ANKFN1: variants seen among roughly 807,000 people sequenced by gnomAD.
The protein encoded by ANKFN1 is ankyrin repeat and fibronectin type III domain containing 1.
In ANKFN1, 74 loss-of-function variants were observed where a neutral mutation model predicts 108.7. That is an observed-to-expected ratio of 0.68 (90% CI 0.56 to 0.83). ANKFN1 has a LOEUF of 0.83. Among genes scored for constraint, ANKFN1 ranks in the 40% least tolerant of loss-of-function variants. The pLI is 0.00. For missense variants in ANKFN1, 1,505 were observed against 1,382.3 expected (o/e 1.09, Z -1.41); for synonymous variants, 547 against 516.2 (o/e 1.06, Z -0.81).
rs111719863 is a variant in ANKFN1, at chr17:56,235,628, G to A, written c.53+7671G>A. Among the ~76,000 whole-genome samples the A allele has an allele frequency of 9.3e-3, 1,411 of 152,140 alleles. 25 individuals carry two copies. Among genetic ancestry groups the A allele is most frequent in the African/African-American group, 0.031 (1,303 of 41,498 alleles). Reference sequence around the variant, plus strand: ...AAAAGGGAGTCCTTTCCTCACTGACGGTTTTTGTCAGCTTTGTCAAAGATC... The same window carrying A: ...AAAAGGGAGTCCTTTCCTCACTGACAGTTTTTGTCAGCTTTGTCAAAGATC... On this transcript the variant is annotated intron_variant, in intron 3 of 20. Coordinates refer to ENST00000682825, the MANE Select transcript of ANKFN1 (RefSeq NM_001370326.1).
rs1012546243 is a variant in ANKFN1, at chr17:56,127,566, G to A, written c.288+81241G>A. On this transcript the variant is annotated intron_variant, in intron 4 of 12. Transcript: ENST00000635860. ...TGACCTCAGGTGATCCACTCACCTC[G>A]GCCTCCCAAAATGCTGGGATTGCAG... Among the ~76,000 whole-genome samples the A allele has an allele frequency of 4.6e-5, 7 of 151,984 alleles. No homozygotes were observed. The South Asian group carries it at 8.3e-4, about 18-fold the overall frequency.
At chr17:56,088,074 G>A (rs1277988927) in intron 4 of ANKFN1, among the ~76,000 whole-genome samples, 2 of 151,162 alleles carry the variant, frequency 1.3e-5, no homozygotes, top group African/African-American at 2.4e-5. Context: ...CCTAAGTCAC[G>A]TTGCTCTTAC....
intron 3 of ANKFN1, among the ~76,000 whole-genome samples, chr17:56,276,622 A>G (rs1598341640): frequency 6.6e-6 from 1 of 152,012 alleles, no homozygotes; most frequent in African/African-American, 2.4e-5. Context: ...GCATTTTTTC[A>G]TGTGTCTGTT....
At chr17:56,410,619 A>G (rs1470048067) in intron 8 of ANKFN1, among the ~76,000 whole-genome samples, 1 of 152,198 alleles carries the variant, frequency 6.6e-6, no homozygotes, top group Admixed American at 6.5e-5. Flanking sequence ...AGTGCAATAG[A>G]TCACTAAAAT....
At chr17:56,149,625 AAG>A (rs1231233431), upstream of ANKFN1, among the ~76,000 whole-genome samples, 3 of 152,218 alleles carry the variant, frequency 2.0e-5, no homozygotes, top group East Asian at 1.9e-4. Context: ...CAGGTAAAGA[AAG>A]AGCTTCCTTG....
At chr17:56,312,603 T>A (rs2045063272) in intron 3 of ANKFN1, among the ~76,000 whole-genome samples, 1 of 152,170 alleles carries the variant, frequency 6.6e-6, no homozygotes, top group African/African-American at 2.4e-5. Flanking sequence ...CTCCAGTTTT[T>A]CAGTCTTTGC....
chr17:56,511,064 G>A lies in ANKFN1; in HGVS notation c.3236G>A (p.Ser1079Asn). The change falls in exon 21 of 21, where the codon AGT becomes AAT. Residue 1079 changes from serine to asparagine, a missense_variant. Physicochemically the swap from Ser to Asn is conservative, Grantham distance 46. Coordinates refer to ENST00000682825, the MANE Select transcript of ANKFN1 (RefSeq NM_001370326.1). Reference sequence around the variant, plus strand: ...AGCCTTCCTGAGGAGCGGAACAGCAGTCTCCAGGACGCGAGGCCTTCCGTC... The same window carrying A: ...AGCCTTCCTGAGGAGCGGAACAGCAATCTCCAGGACGCGAGGCCTTCCGTC... Reference protein sequence around the residue: ...AASLPEERNSSLQDARPSVRR... With the variant: ...AASLPEERNSNLQDARPSVRR... 1 of 1,536,028 alleles carries A rather than the reference G, an allele frequency of 6.5e-7. No individual in the cohort carries two copies. The highest frequency in any genetic ancestry group is 1.4e-5 in the African/African-American group (1 of 73,176).
rs1433486501 is a variant in ANKFN1 at position 56,510,619 on chromosome 17, G to A, written c.2791G>A (p.Gly931Ser). The A allele has an allele frequency of 3.3e-6, 5 of 1,536,152 alleles. No homozygotes were observed. The highest frequency in any genetic ancestry group is 4.9e-5 in the East Asian group (2 of 40,912). ...CGACATTGCGCAGCAGACCCTTAGC[G>A]GCCTAAGCGGCAGCGCCCCCGACGT... ...SHDIAQQTLS[G>S]LSGSAPDVLQ... is the part of the protein sequence containing the mutation. The change falls in exon 21 of 21, where the codon GGC becomes AGC. Residue 931 changes from glycine (G) to serine (S), a missense_variant. Transcript: ENST00000682825.
At chr17:56,199,750 C>T (rs1307236641) in intron 1 of ANKFN1, among the ~76,000 whole-genome samples, 2 of 152,124 alleles carry the variant, frequency 1.3e-5, no homozygotes, top group African/African-American at 4.8e-5. Context: ...TTTCGATAAA[C>T]AACAAATACG....
chr17:56,457,545 C>T (rs2049750976), intron 13 of ANKFN1, among the ~76,000 whole-genome samples, 156 bp downstream of exon 13: 1 of 152,156 alleles, frequency 6.6e-6, no homozygotes, highest in South Asian at 2.1e-4. Context: ...TGCCCTATGT[C>T]ATTTTAAAAA....
At chr17:56,068,996 CAGCT>C (rs1201120678) in intron 4 of ANKFN1, among the ~76,000 whole-genome samples, 1 of 152,138 alleles carries the variant, frequency 6.6e-6, no homozygotes, top group Non-Finnish European at 1.5e-5. Flanking sequence ...CTATGAATCT[CAGCT>C]AGGGAGTTAA....
intron 8 of ANKFN1, among the ~76,000 whole-genome samples, chr17:56,388,307 C>G (rs1182770151): frequency 6.6e-6 from 1 of 151,820 alleles, no homozygotes; most frequent in Non-Finnish European, 1.5e-5. Context: ...CTACCACTGC[C>G]CAGCTAATGA....
intron 3 of ANKFN1, among the ~76,000 whole-genome samples, chr17:56,268,328 C>A (rs985918690): frequency 6.6e-6 from 1 of 152,148 alleles, no homozygotes; most frequent in Non-Finnish European, 1.5e-5. Flanking sequence ...TCCTGAATGA[C>A]CTTTGGGTAA....
At chr17:56,356,710 C>T (rs1398435722) in intron 6 of ANKFN1, among the ~76,000 whole-genome samples, 1 of 152,096 alleles carries the variant, frequency 6.6e-6, no homozygotes, top group African/African-American at 2.4e-5. Flanking sequence ...TCTTTGCTGC[C>T]TTCCGGTTTA....
At chr17:56,064,346 C>G (rs140377732) in intron 4 of ANKFN1, among the ~76,000 whole-genome samples, 1 of 152,150 alleles carries the variant, frequency 6.6e-6, no homozygotes, top group Non-Finnish European at 1.5e-5. Context: ...GCTAAGTGTG[C>G]TGGTCTGCGG....
At chr17:56,345,655 T>C (rs1443865958) in intron 4 of ANKFN1, among the ~76,000 whole-genome samples, 1 of 152,134 alleles carries the variant, frequency 6.6e-6, no homozygotes, top group African/African-American at 2.4e-5. Context: ...GATGATAATC[T>C]TTTTTTCATA....
chr17:56,355,806 C>T (rs1832181165), intron 6 of ANKFN1, among the ~76,000 whole-genome samples: 1 of 152,012 alleles, frequency 6.6e-6, no homozygotes. Flanking sequence ...AATTCACATA[C>T]CATAAAATTT....
chr17:56,265,035 G>A (rs2043613606), intron 3 of ANKFN1, among the ~76,000 whole-genome samples: 1 of 151,938 alleles, frequency 6.6e-6, no homozygotes, highest in African/African-American at 2.4e-5. Flanking sequence ...GACTCTCTCT[G>A]CTCCACACAT....
At chr17:56,117,240 C>T (rs1315060478) in intron 4 of ANKFN1, among the ~76,000 whole-genome samples, 1 of 152,122 alleles carries the variant, frequency 6.6e-6, no homozygotes, top group African/African-American at 2.4e-5. Flanking sequence ...CCCTCAATGA[C>T]TATTTGTTGA....
Sources: gnomAD v4.1 joint callset for allele counts (sites outside exome capture counted in the v4.1 genomes callset) on GRCh38, gnomAD v4.1.1 for gene constraint, MANE v1.5 for transcripts, NCBI Gene and HGNC (gene_info 2026-07-23, HGNC 2026-07-21) for gene names.